OSBPL5: variants seen among roughly 807,000 people sequenced by gnomAD.
OSBPL5 encodes the protein oxysterol binding protein like 5.
OSBPL5 carries 71 observed loss-of-function variants against 111.2 expected under a neutral mutation model. The observed-to-expected ratio is 0.64, with a 90% confidence interval of 0.53 to 0.78. The LOEUF is 0.78. OSBPL5 is among the 30% of genes least tolerant of loss of function. The probability of loss-of-function intolerance (pLI) is 0.00; values close to 1 mark genes in which losing one functional copy is unlikely to be tolerated. For synonymous variants in OSBPL5, 549 were observed against 513.9 expected, an observed-to-expected ratio of 1.07 and a Z score of -0.93; for missense variants, 1,210 against 1,189.3, an observed-to-expected ratio of 1.02 and a Z score of -0.26.
At chr11:3,138,276 G>C (rs899004530) in intron 1 of OSBPL5, among the ~76,000 whole-genome samples, 1 of 152,226 alleles carries the variant, frequency 6.6e-6, no homozygotes, top group Admixed American at 6.5e-5. Context: ...TGGCATGGGG[G>C]CGGGCTGGGC....
intron 1 of OSBPL5, among the ~76,000 whole-genome samples, chr11:3,132,139 C>T (rs536938171): frequency 1.3e-5 from 2 of 152,102 alleles, no homozygotes; most frequent in African/African-American, 4.8e-5. Flanking sequence ...TCCCATTCAC[C>T]TCACACTCAG....
rs934815448 is a variant in OSBPL5 at position 3,162,490 on chromosome 11, TC to T, written c.-22+2725del. On this transcript the variant is annotated intron_variant, in intron 1 of 21. Coordinates refer to ENST00000263650, the MANE Select transcript of OSBPL5 (RefSeq NM_020896.4). The surrounding 1 kb of genome is among the most constrained non-coding windows in gnomAD (Gnocchi z 8.1). ...GTGTAGATGCCAGCACAAGGCAATC[TC>T]ACATCCTCGTGGACATGATCCCAGA... Among the ~76,000 whole-genome samples, 17 of 150,354 alleles carry T rather than the reference TC, an allele frequency of 1.1e-4. No individual in the cohort carries two copies. The highest frequency in any genetic ancestry group is 9.9e-4 in the Admixed American group (15 of 15,142).
At chr11:3,090,292 G>A (rs1857011581) in intron 20 of OSBPL5, among the ~76,000 whole-genome samples, 1 of 152,204 alleles carries the variant, frequency 6.6e-6, no homozygotes, top group African/African-American at 2.4e-5. Flanking sequence ...CACTGGACCT[G>A]CCCCTCCCAC....
chr11:3,098,016 T>A (rs1237417252), intron 14 of OSBPL5, among the ~76,000 whole-genome samples: 4 of 152,000 alleles, frequency 2.6e-5, no homozygotes, highest in African/African-American at 9.7e-5. Context: ...TGCAGTGAGC[T>A]GAGATCATGC....
chr11:3,143,833 C>T (rs964624670), intron 1 of OSBPL5, among the ~76,000 whole-genome samples: 1 of 152,230 alleles, frequency 6.6e-6, no homozygotes, highest in Non-Finnish European at 1.5e-5. Flanking sequence ...GGGGGATCCT[C>T]CTAGCTCCTG....
rs776146202 is a variant in OSBPL5, at chr11:3,092,872, G to A, written c.2127C>T (p.Tyr709=). ...AGGGCTTTGTCGGCACTCACTCCTCGTATCGGTAGTGCCACTCCTGGGTGA... is the reference window on the plus strand; with the variant it reads ...AGGGCTTTGTCGGCACTCACTCCTCATATCGGTAGTGCCACTCCTGGGTGA... The part of the protein sequence containing the change: ...DPITQEWHYR[Y]EDHSPWDPLK... Residue 709 remains tyrosine (Y), a synonymous_variant, in exon 18 of 22, where the codon TAC becomes TAT. Coordinates refer to ENST00000263650, the MANE Select transcript of OSBPL5 (RefSeq NM_020896.4). The surrounding 1 kb of genome is among the most constrained non-coding windows in gnomAD (Gnocchi z 5.4). The A allele has an allele frequency of 1.9e-5, 30 of 1,539,056 alleles. No homozygotes were observed. Among genetic ancestry groups the A allele is most frequent in the South Asian group, 7.2e-5 (6 of 82,868 alleles).
At chr11:3,099,243 G>A (rs944322036) in intron 14 of OSBPL5, among the ~76,000 whole-genome samples, 23 of 152,202 alleles carry the variant, frequency 1.5e-4, no homozygotes, top group East Asian at 5.8e-4. Flanking sequence ...ATCTAGTCAC[G>A]TCTAATCATA....
chr11:3,156,639 G>A (rs181107598), intron 1 of OSBPL5, among the ~76,000 whole-genome samples: 301 of 152,346 alleles, frequency 2.0e-3, no homozygotes, highest in African/African-American at 6.1e-3. Flanking sequence ...CCTTGACGAC[G>A]CTGGGGTTGG....
At position 3,140,139 on chromosome 11, in the gene OSBPL5, C is replaced by T. The variant is rs1846062068; in HGVS notation, c.-21-10970G>A. 6.6e-6 allele frequency among the ~76,000 whole-genome samples: 1 copy of T among 152,236 alleles called. No homozygotes were observed. Among genetic ancestry groups the T allele is most frequent in the African/African-American group, 2.4e-5 (1 of 41,456 alleles). On this transcript the variant is annotated intron_variant, in intron 1 of 21. Coordinates refer to ENST00000263650, the MANE Select transcript of OSBPL5 (RefSeq NM_020896.4). This position sits in a 1 kb window ranked among gnomAD's most constrained non-coding sequence, Gnocchi z 4.5. ...TGCAGAGGAGAACCCGGCCAAGGTC[C>T]CCCAAATTGCAGCCACCATCTCGGG... is the stretch of plus-strand genomic sequence containing the variant.
At chr11:3,143,596 C>G (rs535787294) in intron 1 of OSBPL5, among the ~76,000 whole-genome samples, 1 of 152,242 alleles carries the variant, frequency 6.6e-6, no homozygotes, top group African/African-American at 2.4e-5. Context: ...TCAAAGAAGC[C>G]AGATACCAAA....
intron 17 of OSBPL5, chr11:3,093,282 T>G: frequency 1.3e-6 from 1 of 747,438 alleles, no homozygotes; most frequent in Non-Finnish European, 2.1e-6. Flanking sequence ...CCTGTGCACC[T>G]GTTGGTCACT....
chr11:3,132,719 A>G (rs1339749364), intron 1 of OSBPL5, among the ~76,000 whole-genome samples: 1 of 151,866 alleles, frequency 6.6e-6, no homozygotes, highest in Non-Finnish European at 1.5e-5. Context: ...AGGCTTGGCC[A>G]CTCTGGGAGT....
chr11:3,135,538 G>C (rs975044363), intron 1 of OSBPL5, among the ~76,000 whole-genome samples: 6 of 152,040 alleles, frequency 3.9e-5, no homozygotes, highest in Admixed American at 6.5e-5. Flanking sequence ...CCTCTCCTGA[G>C]ACCCCAGCAC....
rs1367472596 is a variant in OSBPL5 at position 3,142,757 on chromosome 11, TG to T, written c.-21-13589del. On this transcript the variant is annotated intron_variant, in intron 1 of 21. Transcript: ENST00000263650. The surrounding 1 kb of genome is among the most constrained non-coding windows in gnomAD (Gnocchi z 7.1). The stretch of plus-strand genomic sequence containing the variant: ...GGAAGTCGTGTGCAGGGGTGGAGGC[TG>T]GAAGACCAGCAGGTCTCCCTTCACC... Among the ~76,000 whole-genome samples, 1 of 151,988 alleles carries T rather than the reference TG, an allele frequency of 6.6e-6. No individual in the cohort carries two copies. The highest frequency in any genetic ancestry group is 2.4e-5 in the African/African-American group (1 of 41,376).
Position 3,119,735 on chromosome 11 carries a change from C to A in OSBPL5, c.607-104G>T, listed in dbSNP as rs1858336861. 24 of 1,151,960 alleles carry A rather than the reference C, an allele frequency of 2.1e-5. No homozygotes were observed. The South Asian group carries it at 3.3e-4, about 16-fold the overall frequency. 71.4% of individuals were successfully genotyped at this position (1,151,960 alleles called of 1,614,324 possible). A position where few individuals can be genotyped will look rare whatever the true frequency, so the allele number is the denominator to read the frequency against. On this transcript the variant is annotated intron_variant, in intron 6 of 21. Transcript: ENST00000263650. The stretch of plus-strand genomic sequence containing the variant: ...GGATCCACACCTGGGACCACCTGGA[C>A]ACCCCCAGGGCCACAGGGCCACCAG...
chr11:3,094,549 AGGTGCGGAGCCTG>A, intron 14 of OSBPL5: 1 of 245,188 alleles, frequency 4.1e-6, no homozygotes, highest in Non-Finnish European at 7.2e-6. Flanking sequence ...GGAGCCTGGG[AGGTGCGGAGCCTG>A]GGAGGCACGG....
At position 3,121,997 on chromosome 11, in the gene OSBPL5, C is replaced by T. The variant is rs779494623; in HGVS notation, c.402G>A (p.Lys134=). ...PSVVIMADSL[K]IRGTLKSWTK... ...TGGCCGGAGGCCGGGCATCACCTAC[C>T]TTCAGGCTGTCAGCCATGATGACCA... The change falls in exon 5 of 22, where the codon AAG becomes AAA. Residue 134 remains lysine (K), a splice_region_variant and synonymous_variant. Coordinates refer to ENST00000263650, the MANE Select transcript of OSBPL5 (RefSeq NM_020896.4). The surrounding 1 kb of genome is among the most constrained non-coding windows in gnomAD (Gnocchi z 4.3). The T allele has an allele frequency of 6.4e-7, 1 of 1,562,170 alleles. No homozygotes were observed. The highest frequency in any genetic ancestry group is 1.2e-5 in the South Asian group (1 of 85,970).
At chr11:3,128,224 C>T (rs1858702760) in intron 2 of OSBPL5, among the ~76,000 whole-genome samples, 1 of 152,214 alleles carries the variant, frequency 6.6e-6, no homozygotes, top group Non-Finnish European at 1.5e-5. Flanking sequence ...CCACTCCCCC[C>T]AGGGCAGATG....
Position 3,093,838 on chromosome 11 carries a change from G to C in OSBPL5, c.1720-3C>G, listed in dbSNP as rs750344272. ...CTGGTGCTACCCCCGAAGAAGGGCT[G>C]CGGGGCCACACCCAGAACAGAGCCC... On this transcript the variant is annotated splice_region_variant and splice_polypyrimidine_tract_variant and intron_variant, in intron 15 of 21. Transcript: ENST00000263650. 1 of 1,609,892 alleles carries C rather than the reference G, an allele frequency of 6.2e-7. No homozygotes were observed. The highest frequency in any genetic ancestry group is 1.1e-5 in the South Asian group (1 of 90,876).
Sources: gnomAD v4.1 joint callset for allele counts (sites outside exome capture counted in the v4.1 genomes callset) on GRCh38, gnomAD v4.1.1 for gene constraint, Gnocchi (gnomAD v3.1) non-coding constraint, MANE v1.5 for transcripts, NCBI Gene and HGNC (gene_info 2026-07-23, HGNC 2026-07-21) for gene names.